The following OTOG variants were observed in gnomAD, a reference collection of about 807,000 sequenced individuals.
OTOG encodes otogelin.
A neutral mutation model predicts 313.8 loss-of-function variants in OTOG; 296 were observed. The ratio of observed to expected loss-of-function variants is 0.94; its 90% CI spans 0.86 to 1.04. OTOG has a LOEUF of 1.04. Ranked by LOEUF, OTOG falls within the 50% of genes least tolerant of loss-of-function variation. The probability of loss-of-function intolerance (pLI) is 0.00; values close to 1 mark genes in which losing one functional copy is unlikely to be tolerated. For synonymous variants in OTOG, 1,533 were observed against 1,554.9 expected (o/e 0.99, Z 0.33); for missense variants, 3,948 against 3,840.1 (o/e 1.03, Z -0.74).
chr11:17,560,430 G>A (rs149479985), intron 12 of OTOG, among the ~76,000 whole-genome samples: 75 of 152,274 alleles, frequency 4.9e-4, no homozygotes, highest in Non-Finnish European at 8.8e-4. Flanking sequence ...TTTTTGATGC[G>A]GTGACAGGCT....
In OTOG at chr11:17,558,204, G is replaced by A. The variant is rs761378103; in HGVS notation, c.885G>A (p.Val295=). 5.8e-6 allele frequency: 9 copies of A among 1,550,536 alleles called. No homozygotes were observed. The highest frequency in any genetic ancestry group is 4.8e-5 in the South Asian group (4 of 84,050). ...VTSSGKLTDD[V]VEFVHSWQEQ... ...CTCCAGGGAAGCTGACTGACGACGT[G>A]GTTGAGTTTGTGCACAGCTGGCAGG... The change falls in exon 9 of 56, where the codon GTG becomes GTA. Residue 295 remains valine (V), a synonymous_variant. Transcript: ENST00000399397.
At chr11:17,606,180 G>C (rs1251517372) in intron 33 of OTOG, 45 bp downstream of exon 33, 3 of 1,488,476 alleles carry the variant, frequency 2.0e-6, no homozygotes, top group Non-Finnish European at 2.7e-6. Context: ...GGCCCTCTCA[G>C]TCCACTGCTC....
chr11:17,577,931 C>G (rs548126257), intron 22 of OTOG, among the ~76,000 whole-genome samples: 2 of 152,288 alleles, frequency 1.3e-5, no homozygotes, highest in South Asian at 4.1e-4. Flanking sequence ...TCAGAGTCCT[C>G]TGGCCCCCTG....
At chr11:17,600,097 T>C (rs1040589414) in intron 31 of OTOG, among the ~76,000 whole-genome samples, 45 of 152,380 alleles carry the variant, frequency 3.0e-4, no homozygotes, top group African/African-American at 9.6e-4. Flanking sequence ...CAAACTGCCC[T>C]TTCTGACTAT....
At position 17,576,551 on chromosome 11, in the gene OTOG, T is replaced by A. The variant is rs1189997126; in HGVS notation, c.2487-5T>A. ...TCACCTTTCTTTGCTCCCATTTTTT[T>A]ATAGGAACCAGTGCTCCTGCCACTT... is the stretch of plus-strand genomic sequence containing the variant. On this transcript the variant is annotated splice_region_variant and splice_polypyrimidine_tract_variant and intron_variant, in intron 20 of 55. Coordinates refer to ENST00000399397, the MANE Select transcript of OTOG (RefSeq NM_001292063.2). The A allele has an allele frequency of 1.3e-6, 2 of 1,549,732 alleles. No individual in the cohort carries two copies. Among genetic ancestry groups the A allele is most frequent in the South Asian group, 2.4e-5 (2 of 84,034 alleles).
intron 24 of OTOG, among the ~76,000 whole-genome samples, chr11:17,588,635 G>A (rs532307541): frequency 1.3e-5 from 2 of 152,222 alleles, no homozygotes; most frequent in South Asian, 4.2e-4. Flanking sequence ...TACTTCTAAA[G>A]ATTTTGGCAC....
intron 47 of OTOG, among the ~76,000 whole-genome samples, chr11:17,637,975 T>C (rs1271015376): frequency 6.6e-6 from 1 of 152,182 alleles, no homozygotes; most frequent in African/African-American, 2.4e-5. Flanking sequence ...TGAGGAATCC[T>C]GAACTGAGAA....
rs770347038 is a variant in OTOG, at chr11:17,574,709, C to A, written c.2294-11C>A. On this transcript the variant is annotated splice_polypyrimidine_tract_variant and intron_variant, in intron 19 of 55. Transcript: ENST00000399397. ...GGAGACAAAGCATGCACCACTCCCC[C>A]CTCACTGCAGCACTGTCCTGTGAGG... 33 of 1,547,898 alleles carry A rather than the reference C, an allele frequency of 2.1e-5. No individual in the cohort carries two copies. In the East Asian group the frequency reaches 4.9e-4, roughly 23 times the overall value.
chr11:17,569,698 G>A (rs1203411058), intron 16 of OTOG, among the ~76,000 whole-genome samples: 1 of 152,202 alleles, frequency 6.6e-6, no homozygotes, highest in Non-Finnish European at 1.5e-5. Context: ...AACAACAACA[G>A]GGGCTCAAGG....
intron 23 of OTOG, among the ~76,000 whole-genome samples, chr11:17,583,450 TA>T (rs1341238864): frequency 2.0e-5 from 3 of 152,210 alleles, no homozygotes; most frequent in Admixed American, 6.5e-5. Flanking sequence ...CTTTTACATT[TA>T]AGCCTATGAC....
Position 17,561,673 on chromosome 11 carries a change from G to T in OTOG, c.1510G>T (p.Val504Leu). The part of the protein sequence containing the change: ...STAVCPAECS[V>L]TGDIHFTTFD... ...TTTCTACCTCTCAGCTGAGTGCTCA[G>T]TGACTGGTGACATTCACTTCACAAC... The change falls in exon 15 of 56, where the codon GTG becomes TTG. Residue 504 changes from valine to leucine, a missense_variant. Physicochemically the swap from Val to Leu is conservative, Grantham distance 32. Coordinates refer to ENST00000399397, the MANE Select transcript of OTOG (RefSeq NM_001292063.2). 1 of 1,550,576 alleles carries T rather than the reference G, an allele frequency of 6.4e-7. No homozygotes were observed.
chr11:17,611,176 C>CA lies in OTOG; in HGVS notation c.5877dup (p.Val1960SerfsTer29). On this transcript the variant is annotated frameshift_variant, in exon 36 of 56. Transcript: ENST00000399397. LOFTEE classifies it high-confidence loss of function. ...GGAGCCCAGGCAGGCACAGCTCTGC[C>CA]AGTGCCCACATCCTATGCCCTGAGC... 6.4e-7 allele frequency: 1 copy of CA among 1,550,558 alleles called. No homozygotes were observed. Among genetic ancestry groups the CA allele is most frequent in the Non-Finnish European group, 8.7e-7 (1 of 1,147,020 alleles).
Position 17,561,270 on chromosome 11 carries a change from T to A in OTOG, c.1498+133T>A, listed in dbSNP as rs544593816. ...GTTCCATTGGCTACGCCCCGACCCC[T>A]GTTTCCTCAGAATCACTTTGCCTGA... On this transcript the variant is annotated intron_variant, in intron 14 of 55. Transcript: ENST00000399397. The A allele has an allele frequency of 1.2e-5, 13 of 1,068,150 alleles. No individual in the cohort carries two copies. In the South Asian group the frequency reaches 1.8e-4, roughly 15 times the overall value. 66.2% of individuals were successfully genotyped at this position (1,068,150 alleles called of 1,614,324 possible).
At chr11:17,568,721 T>C (rs1366672932) in intron 15 of OTOG, among the ~76,000 whole-genome samples, 1 of 152,178 alleles carries the variant, frequency 6.6e-6, no homozygotes, top group Non-Finnish European at 1.5e-5. Context: ...CCAGAGAATA[T>C]TACCTCATTT....
In OTOG at chr11:17,610,570, C is replaced by G. The variant is rs1158129760; in HGVS notation, c.5270C>G (p.Thr1757Ser). Residue 1757 changes from threonine (T) to serine (S), a missense_variant, in exon 36 of 56, where the codon ACC (threonine) becomes AGC (serine). Thr to Ser is a moderately conservative substitution (Grantham distance 58). Transcript: ENST00000399397. ...SAPPRPAQHT[T>S]MATRSPALPP... Reference sequence around the variant, plus strand: ...CCACCCCGCCCAGCCCAGCATACCACCATGGCCACCAGGTCTCCAGCTCTG... The same window carrying G: ...CCACCCCGCCCAGCCCAGCATACCAGCATGGCCACCAGGTCTCCAGCTCTG... The G allele has an allele frequency of 6.4e-7, 1 of 1,550,484 alleles. No homozygotes were observed. The highest frequency in any genetic ancestry group is 1.4e-5 in the African/African-American group (1 of 73,042).
At chr11:17,641,757 G>A in intron 51 of OTOG, 90 bp from the exon 52 acceptor site, 1 of 932,838 alleles carries the variant, frequency 1.1e-6, no homozygotes, top group Non-Finnish European at 1.6e-6. Flanking sequence ...GTCCTTCCAG[G>A]CTCTGGGATC....
chr11:17,634,876 C>T lies in OTOG; in HGVS notation c.7513C>T (p.Pro2505Ser). The T allele has an allele frequency of 6.5e-7, 1 of 1,549,568 alleles. No homozygotes were observed. Among genetic ancestry groups the T allele is most frequent in the Non-Finnish European group, 8.7e-7 (1 of 1,146,842 alleles). The change falls in exon 45 of 56, where the codon CCC becomes TCC. Residue 2505 changes from proline (P) to serine (S), a missense_variant. By Grantham distance (74) the Pro-to-Ser change is moderately conservative. Coordinates refer to ENST00000399397, the MANE Select transcript of OTOG (RefSeq NM_001292063.2). ...CNQTLCEGLA[P>S]TCRPGHRLLT... ...CCAGACTCTGTGTGAGGGTCTCGCC[C>T]CCACATGCCGCCCAGGCCACCGCCT...
Position 17,561,770 on chromosome 11 carries a change from C to T in OTOG, c.1607C>T (p.Thr536Ile), listed in dbSNP as rs1283724170. 3.9e-6 allele frequency: 6 copies of T among 1,550,550 alleles called. No homozygotes were observed. In the Admixed American group the frequency reaches 5.9e-5, roughly 15 times the overall value. The change falls in exon 15 of 56, where the codon ACC becomes ATC. Residue 536 changes from threonine to isoleucine, a missense_variant. Thr to Ile is a moderately conservative substitution (Grantham distance 89, BLOSUM62 -1). Transcript: ENST00000399397. ...YILAKSRSSG[T>I]FTVTLQNAPC... ...CTGGCCAAGAGCCGCTCTTCGGGCA[C>T]CTTCACCGTGACATTGCAGAATGCC...
At chr11:17,614,608 C>G (rs775676156) in intron 39 of OTOG, among the ~76,000 whole-genome samples, 68 of 152,322 alleles carry the variant, frequency 4.5e-4, no homozygotes, top group Non-Finnish European at 7.9e-4. Flanking sequence ...CCCCTCCCCC[C>G]TCCTGCTGAC....
Sources: allele counts gnomAD v4.1 joint callset (sites outside exome capture counted in the v4.1 genomes callset), GRCh38; gene constraint gnomAD v4.1.1; transcripts MANE v1.5; gene names NCBI Gene and HGNC (gene_info 2026-07-23, HGNC 2026-07-21).